The following ZNF69 variants were observed in gnomAD, a reference collection of about 807,000 sequenced individuals.
ZNF69 encodes ZNF3.
Under a neutral mutation model 50.9 loss-of-function variants are expected in ZNF69, and 47 were observed. The observed-to-expected ratio is 0.92, with a 90% confidence interval of 0.73 to 1.18. The LOEUF (loss-of-function observed/expected upper bound fraction) is 1.18. Ranked by LOEUF, ZNF69 falls within the 50% of genes most tolerant of loss-of-function variation. The pLI is 0.00. For missense variants in ZNF69, 717 were observed against 675.1 expected (o/e 1.06, Z -0.69); for synonymous variants, 216 against 223.1 (o/e 0.97, Z 0.29).
chr19:11,944,088 C>CTATT, the ZNF69 span, among the ~76,000 whole-genome samples: 1 of 152,276 alleles, frequency 6.6e-6, no homozygotes, highest in African/African-American at 2.4e-5. Context: ...GATCCACACT[C>CTATT]TATTACCTGG....
At chr19:11,951,236 G>GT in the ZNF69 span, among the ~76,000 whole-genome samples, 6,142 of 136,846 alleles carry the variant, frequency 0.045, 509 homozygotes, top group African/African-American at 0.16. Flanking sequence ...GCTGGTTTTT[G>GT]TTTTTTTTTT....
downstream of ZNF69, among the ~76,000 whole-genome samples, chr19:11,906,803 T>A (rs572948737): frequency 6.6e-6 from 1 of 152,274 alleles, no homozygotes; most frequent in Admixed American, 6.5e-5. Flanking sequence ...TCGCCAGCAA[T>A]GGAACAAAGC....
chr19:11,911,557 G>A (rs1223809117), downstream of ZNF69, among the ~76,000 whole-genome samples: 2 of 152,132 alleles, frequency 1.3e-5, no homozygotes, highest in Non-Finnish European at 2.9e-5. Context: ...ATCATTCTGA[G>A]CAAACTATAA....
chr19:11,965,141 C>T, the ZNF69 span: 8 of 1,610,546 alleles, frequency 5.0e-6, no homozygotes, highest in African/African-American at 4.0e-5. Flanking sequence ...CGCTCTGTCT[C>T]CTGCGCTGTG....
At chr19:11,965,080 C>G in the ZNF69 span, 45 of 1,219,352 alleles carry the variant, frequency 3.7e-5, no homozygotes, top group Non-Finnish European at 5.0e-5. Context: ...TGGTTGATAT[C>G]CGCTGTATCC....
At chr19:11,915,425 C>G (rs543898417), downstream of ZNF69, among the ~76,000 whole-genome samples, 231 of 152,330 alleles carry the variant, frequency 1.5e-3, no homozygotes, top group African/African-American at 5.4e-3. Flanking sequence ...ACAGGACACA[C>G]TGGAGAGCCT....
At chr19:11,902,380 G>T (rs533015091) in intron 1 of ZNF69, among the ~76,000 whole-genome samples, 19 of 152,238 alleles carry the variant, frequency 1.2e-4, no homozygotes, top group Admixed American at 9.8e-4. Context: ...GTGGGTGGCT[G>T]CATTGCTCAT....
At chr19:11,959,753 T>C in the ZNF69 span, among the ~76,000 whole-genome samples, 3 of 152,196 alleles carry the variant, frequency 2.0e-5, no homozygotes, top group Non-Finnish European at 4.4e-5. Flanking sequence ...AGATTATGGA[T>C]AAATTCAAAT....
chr19:11,894,627 C>T (rs1977179389), intron 1 of ZNF69, among the ~76,000 whole-genome samples: 1 of 152,124 alleles, frequency 6.6e-6, no homozygotes, highest in African/African-American at 2.4e-5. Flanking sequence ...CTGAGTCACT[C>T]CTCCCAGGGG....
intron 1 of ZNF69, 26 bp downstream of exon 1, chr19:11,888,012 G>A (rs909587076): frequency 6.2e-7 from 1 of 1,607,854 alleles, no homozygotes; most frequent in African/African-American, 1.3e-5. Context: ...CGGGTGTCGT[G>A]AGACGGGGGA....
chr19:11,913,320 CT>C (rs937235375), intron 4 of ZNF69: 1,227 of 466,064 alleles, frequency 2.6e-3, no homozygotes, highest in South Asian at 6.1e-3. Flanking sequence ...TGCCAGGCAT[CT>C]TTTTTTTTTC....
chr19:11,923,402 A>AC, the ZNF69 span, among the ~76,000 whole-genome samples: 18 of 151,946 alleles, frequency 1.2e-4, no homozygotes, highest in Non-Finnish European at 1.5e-5. Context: ...CTGCAACAGC[A>AC]CCCCGTCCCA....
the ZNF69 span, among the ~76,000 whole-genome samples, chr19:11,974,613 G>C: frequency 0.38 from 55,519 of 147,968 alleles, 12,636 homozygotes; most frequent in East Asian, 0.63. Context: ...TTTTTTGGGC[G>C]GGGGGGTGGG....
the ZNF69 span, among the ~76,000 whole-genome samples, chr19:11,967,231 G>A: frequency 1.3e-5 from 2 of 152,122 alleles, no homozygotes; most frequent in Non-Finnish European, 2.9e-5. Context: ...AGGTACTTGG[G>A]AGGCTTAAGT....
At chr19:11,889,916 GAA>G (rs1395606454) in intron 1 of ZNF69, among the ~76,000 whole-genome samples, 1 of 152,132 alleles carries the variant, frequency 6.6e-6, no homozygotes, top group African/African-American at 2.4e-5. Context: ...TAAGTTCAAG[GAA>G]AGATACTGTG....
At chr19:11,963,961 C>T in the ZNF69 span, among the ~76,000 whole-genome samples, 2 of 152,360 alleles carry the variant, frequency 1.3e-5, no homozygotes, top group Non-Finnish European at 2.9e-5. Flanking sequence ...GAATTTTCCT[C>T]GCCCATTTTA....
At chr19:11,922,671 C>CA in the ZNF69 span, among the ~76,000 whole-genome samples, 1 of 236 alleles carries the variant, frequency 4.2e-3, no homozygotes, top group African/African-American at 0.019. Context: ...AGGAGGTCAT[C>CA]CGCCTGGTAA....
chr19:11,952,302 A>C, the ZNF69 span, among the ~76,000 whole-genome samples: 1 of 152,346 alleles, frequency 6.6e-6, no homozygotes, highest in Non-Finnish European at 1.5e-5. Flanking sequence ...TGTTTACTAG[A>C]AAGTACCTTA....
At chr19:11,950,374 G>T in the ZNF69 span, 3 of 1,018,986 alleles carry the variant, frequency 2.9e-6, no homozygotes, top group Admixed American at 2.2e-5. Flanking sequence ...GACTCACACT[G>T]GGGAGAAACC....
Sources: allele counts gnomAD v4.1 joint callset (sites outside exome capture counted in the v4.1 genomes callset), GRCh38; gene constraint gnomAD v4.1.1; transcripts MANE v1.5; gene names NCBI Gene and HGNC (gene_info 2026-07-23, HGNC 2026-07-21).